The following LSAMP variants were observed in gnomAD, a reference collection of about 807,000 sequenced individuals.
LSAMP encodes limbic system associated membrane protein.
A neutral mutation model predicts 38.6 loss-of-function variants in LSAMP; 7 were observed. The ratio of observed to expected loss-of-function variants is 0.18; its 90% CI spans 0.10 to 0.34. The LOEUF (loss-of-function observed/expected upper bound fraction) is 0.34, where lower values mean the gene tolerates loss of function less well. Among genes scored for constraint, LSAMP ranks in the 10% least tolerant of loss-of-function variants. The probability of loss-of-function intolerance (pLI) is 1.00; values close to 1 mark genes in which losing one functional copy is unlikely to be tolerated. For missense variants in LSAMP, 313 were observed against 420.0 expected, an observed-to-expected ratio of 0.75 and a Z score of 2.23; for synonymous variants, 154 against 166.8, an observed-to-expected ratio of 0.92 and a Z score of 0.59.
At chr3:115,844,656 A>G (rs1162164321) in intron 4 of LSAMP, among the ~76,000 whole-genome samples, 1 of 152,146 alleles carries the variant, frequency 6.6e-6, no homozygotes, top group Non-Finnish European at 1.5e-5. Flanking sequence ...CTTTGCCAAT[A>G]GTCACATTGC....
chr3:116,066,903 C>G (rs1341027595), intron 2 of LSAMP, among the ~76,000 whole-genome samples: 1 of 152,002 alleles, frequency 6.6e-6, no homozygotes, highest in African/African-American at 2.4e-5. Flanking sequence ...ATGTGCCTGC[C>G]CCCATTTTTT....
intron 1 of LSAMP, among the ~76,000 whole-genome samples, chr3:116,319,400 C>T (rs1330371459): frequency 6.6e-6 from 1 of 152,116 alleles, no homozygotes; most frequent in South Asian, 2.1e-4. Context: ...TACATGATTT[C>T]TCTTTCTATT....
intron 3 of LSAMP, among the ~76,000 whole-genome samples, chr3:115,861,985 A>G (rs926259244): frequency 1.3e-5 from 2 of 152,216 alleles, no homozygotes; most frequent in Admixed American, 1.3e-4. Context: ...ACTGAAAACA[A>G]AGGATTGAAA....
chr3:116,284,914 G>A (rs908144058), intron 1 of LSAMP, among the ~76,000 whole-genome samples: 1 of 152,054 alleles, frequency 6.6e-6, no homozygotes, highest in Non-Finnish European at 1.5e-5. Flanking sequence ...TATAAAATAT[G>A]ACACAATTAT....
At chr3:116,112,709 C>G (rs951988129) in intron 1 of LSAMP, among the ~76,000 whole-genome samples, 1 of 152,124 alleles carries the variant, frequency 6.6e-6, no homozygotes, top group Non-Finnish European at 1.5e-5. Context: ...TTAACAATAA[C>G]TGGATAAGGA....
chr3:116,236,123 T>A (rs1278147782), intron 1 of LSAMP, among the ~76,000 whole-genome samples: 2 of 152,146 alleles, frequency 1.3e-5, no homozygotes, highest in African/African-American at 2.4e-5. Context: ...CATTGGTAAC[T>A]AGGAAAAAAA....
At chr3:116,008,159 A>G (rs1940214138) in intron 3 of LSAMP, among the ~76,000 whole-genome samples, 1 of 152,190 alleles carries the variant, frequency 6.6e-6, no homozygotes, top group Admixed American at 6.5e-5. Context: ...ATGCTTTTTC[A>G]TTAATAAATC....
chr3:116,278,705 T>C (rs1305030336), intron 1 of LSAMP, among the ~76,000 whole-genome samples: 1 of 152,208 alleles, frequency 6.6e-6, no homozygotes, highest in Non-Finnish European at 1.5e-5. Context: ...GATAATATTA[T>C]CCACGCTTAA....
At chr3:115,882,557 T>C (rs1936348794) in intron 3 of LSAMP, among the ~76,000 whole-genome samples, 1 of 152,142 alleles carries the variant, frequency 6.6e-6, no homozygotes. Context: ...ATTTGCATAA[T>C]AGAGTTCCCA....
At chr3:115,844,466 T>G (rs1935093725) in intron 4 of LSAMP, among the ~76,000 whole-genome samples, 1 of 152,138 alleles carries the variant, frequency 6.6e-6, no homozygotes, top group African/African-American at 2.4e-5. Flanking sequence ...ATATAGATCA[T>G]TAGAGCACAT....
chr3:116,313,120 C>T (rs1299996701), intron 1 of LSAMP, among the ~76,000 whole-genome samples: 1 of 152,136 alleles, frequency 6.6e-6, no homozygotes, highest in Non-Finnish European at 1.5e-5. Context: ...CAGAAGCACT[C>T]TTAAACCTCT....
chr3:116,010,306 C>T (rs931855225), intron 3 of LSAMP, among the ~76,000 whole-genome samples: 1 of 152,200 alleles, frequency 6.6e-6, no homozygotes, highest in African/African-American at 2.4e-5. Flanking sequence ...TTTATGAAGA[C>T]TCTGTTCTTT....
intron 2 of LSAMP, among the ~76,000 whole-genome samples, chr3:116,070,240 A>T (rs1173752768): frequency 6.6e-6 from 1 of 152,226 alleles, no homozygotes; most frequent in African/African-American, 2.4e-5. Flanking sequence ...TAGGCAACTG[A>T]GTTAAAAATT....
chr3:116,323,314 C>T (rs557642475), intron 1 of LSAMP, among the ~76,000 whole-genome samples: 1 of 152,080 alleles, frequency 6.6e-6, no homozygotes, highest in South Asian at 2.1e-4. Flanking sequence ...TTCCCCCAAA[C>T]TATATCTGGT....
chr3:116,209,663 C>G (rs1335802522), intron 1 of LSAMP, among the ~76,000 whole-genome samples: 1 of 152,124 alleles, frequency 6.6e-6, no homozygotes, highest in African/African-American at 2.4e-5. Context: ...CAAACGCAAA[C>G]AGTGATCAAT....
At chr3:116,399,838 G>A (rs767692647) in intron 1 of LSAMP, among the ~76,000 whole-genome samples, 17 of 152,122 alleles carry the variant, frequency 1.1e-4, no homozygotes, top group African/African-American at 2.2e-4. Context: ...AAACTTATCC[G>A]AATTCTGTCT....
chr3:116,427,138 G>C (rs1465972624), intron 1 of LSAMP, among the ~76,000 whole-genome samples: 1 of 134,374 alleles, frequency 7.4e-6, no homozygotes, highest in Non-Finnish European at 1.5e-5. Flanking sequence ...TTTTGAGACG[G>C]AGTCTCGCTC....
intron 1 of LSAMP, among the ~76,000 whole-genome samples, chr3:116,372,574 A>G (rs2048443670): frequency 6.6e-6 from 1 of 152,000 alleles, no homozygotes; most frequent in Non-Finnish European, 1.5e-5. Flanking sequence ...TGAACTTTAT[A>G]AAAGTTTTTA....
intron 1 of LSAMP, among the ~76,000 whole-genome samples, chr3:116,314,894 G>T (rs528466745): frequency 3.5e-4 from 54 of 152,194 alleles, no homozygotes; most frequent in East Asian, 1.4e-3. Flanking sequence ...ATTCTTGGGG[G>T]TTTTTTTGTT....
Sources: gnomAD v4.1 joint callset for allele counts (sites outside exome capture counted in the v4.1 genomes callset) on GRCh38, gnomAD v4.1.1 for gene constraint, MANE v1.5 for transcripts, NCBI Gene and HGNC (gene_info 2026-07-23, HGNC 2026-07-21) for gene names.